The following CACNA2D1 variants were observed in gnomAD, a reference collection of about 807,000 sequenced individuals.
CACNA2D1 encodes calcium voltage-gated channel auxiliary subunit alpha2delta 1.
In CACNA2D1, 53 loss-of-function variants were observed where a neutral mutation model predicts 171.5. That is an observed-to-expected ratio of 0.31 (90% CI 0.25 to 0.39). The LOEUF (loss-of-function observed/expected upper bound fraction) is 0.39, where lower values mean the gene tolerates loss of function less well. Ranked by LOEUF, CACNA2D1 falls within the 10% of genes least tolerant of loss-of-function variation. The pLI is 1.00. For synonymous variants in CACNA2D1, 442 were observed against 443.1 expected (o/e 1.00, Z 0.03); for missense variants, 903 against 1,299.8 (o/e 0.69, Z 4.69).
At chr7:82,408,024 T>C (rs982330692) in intron 1 of CACNA2D1, among the ~76,000 whole-genome samples, 1 of 146,426 alleles carries the variant, frequency 6.8e-6, no homozygotes, top group East Asian at 2.0e-4. Flanking sequence ...TGTACTTTCT[T>C]TTTTTTTTTT....
chr7:82,034,633 G>C (rs948058321), intron 11 of CACNA2D1, among the ~76,000 whole-genome samples: 1 of 151,834 alleles, frequency 6.6e-6, no homozygotes, highest in East Asian at 1.9e-4. Context: ...ACTAAAATTA[G>C]TTTCTCTAGT....
chr7:82,169,902 T>C (rs896249677), intron 4 of CACNA2D1, among the ~76,000 whole-genome samples: 6 of 151,676 alleles, frequency 4.0e-5, no homozygotes, highest in Non-Finnish European at 7.4e-5. Flanking sequence ...AGATAAATGA[T>C]AGATATGCAG....
At chr7:82,293,728 T>G (rs1228174618) in intron 3 of CACNA2D1, among the ~76,000 whole-genome samples, 1 of 152,114 alleles carries the variant, frequency 6.6e-6, no homozygotes, top group Non-Finnish European at 1.5e-5. Context: ...CAGGGCTGAG[T>G]TCAGTATGGG....
At chr7:82,442,345 T>C (rs968960661) in intron 1 of CACNA2D1, among the ~76,000 whole-genome samples, 1 of 152,164 alleles carries the variant, frequency 6.6e-6, no homozygotes, top group African/African-American at 2.4e-5. Context: ...TTATGTAAAA[T>C]GCATTAAAGT....
intron 3 of CACNA2D1, among the ~76,000 whole-genome samples, chr7:82,225,926 T>A (rs1400871601): frequency 6.6e-6 from 1 of 152,174 alleles, no homozygotes; most frequent in Non-Finnish European, 1.5e-5. Context: ...GTAGAGAAAC[T>A]AAAAACTAAA....
chr7:82,215,606 A>G (rs1563211626), intron 3 of CACNA2D1, among the ~76,000 whole-genome samples: 1 of 152,138 alleles, frequency 6.6e-6, no homozygotes, highest in African/African-American at 2.4e-5. Context: ...GAGTTCTTTT[A>G]TAACTATTTT....
At chr7:81,986,533 G>T (rs967245390) in intron 21 of CACNA2D1, among the ~76,000 whole-genome samples, 1 of 122,512 alleles carries the variant, frequency 8.2e-6, no homozygotes, top group Non-Finnish European at 1.7e-5. Flanking sequence ...AATTTCATAT[G>T]ACTATAAATA....
chr7:81,982,590 A>T lies in CACNA2D1; in HGVS notation c.1932T>A (p.Ser644=). The change falls in exon 24 of 39, where the codon TCT becomes TCA. Residue 644 remains serine, a synonymous_variant. Transcript: ENST00000356860. The part of the protein sequence containing the change: ...ETLKPDNFEE[S]GYTFIAPRDY... ...ACCTTGGTGCTATGAATGTATAGCCAGATTCTTCAAAATTATCTGGCTTCA... is the reference window on the plus strand; with the variant it reads ...ACCTTGGTGCTATGAATGTATAGCCTGATTCTTCAAAATTATCTGGCTTCA... The T allele has an allele frequency of 1.2e-6, 2 of 1,607,748 alleles. No homozygotes were observed. The highest frequency in any genetic ancestry group is 1.7e-6 in the Non-Finnish European group (2 of 1,174,494).
chr7:82,282,556 C>T (rs903663970), intron 3 of CACNA2D1, among the ~76,000 whole-genome samples: 1 of 152,050 alleles, frequency 6.6e-6, no homozygotes, highest in African/African-American at 2.4e-5. Context: ...AGAAGGAGGG[C>T]GTGTCTGATT....
chr7:82,379,344 C>T (rs941279099), intron 1 of CACNA2D1, among the ~76,000 whole-genome samples: 3 of 152,106 alleles, frequency 2.0e-5, no homozygotes, highest in African/African-American at 7.2e-5. Context: ...AAGCCCTTCT[C>T]CCTAGAAAAA....
intron 3 of CACNA2D1, among the ~76,000 whole-genome samples, chr7:82,186,230 A>AGAAGGAAGGAAGAAAGGAAG (rs1797737707): frequency 1.8e-5 from 2 of 108,444 alleles, no homozygotes; most frequent in Admixed American, 1.0e-4. Context: ...AGAGAGAGAG[A>AGAAGGAAGGAAGAAAGGAAG]GAAGGAAGGA....
At chr7:82,319,342 A>C (rs1815524004) in intron 3 of CACNA2D1, among the ~76,000 whole-genome samples, 1 of 152,188 alleles carries the variant, frequency 6.6e-6, no homozygotes, top group Non-Finnish European at 1.5e-5. Flanking sequence ...TTGTTAACAA[A>C]GACATCAAAA....
At chr7:82,328,073 C>T (rs1286464242) in intron 3 of CACNA2D1, among the ~76,000 whole-genome samples, 3 of 152,086 alleles carry the variant, frequency 2.0e-5, no homozygotes, top group African/African-American at 4.8e-5. Flanking sequence ...GTCTCATTGC[C>T]CTGTCACTGG....
At chr7:82,378,010 T>G (rs1823217765) in intron 1 of CACNA2D1, among the ~76,000 whole-genome samples, 2 of 152,174 alleles carry the variant, frequency 1.3e-5, no homozygotes, top group Admixed American at 1.3e-4. Context: ...CTCCTTAAAT[T>G]TGTATTTTCT....
chr7:82,405,259 T>C (rs1826891891), intron 1 of CACNA2D1, among the ~76,000 whole-genome samples: 1 of 152,132 alleles, frequency 6.6e-6, no homozygotes, highest in Non-Finnish European at 1.5e-5. Flanking sequence ...AAAAAATAGA[T>C]GGTTAACACA....
intron 4 of CACNA2D1, among the ~76,000 whole-genome samples, chr7:82,168,304 C>T (rs1795675201): frequency 6.6e-6 from 1 of 151,982 alleles, no homozygotes; most frequent in Non-Finnish European, 1.5e-5. Context: ...CCACCACGCA[C>T]AGCTAATTTT....
At chr7:82,206,283 A>G (rs917407683) in intron 3 of CACNA2D1, among the ~76,000 whole-genome samples, 2 of 152,042 alleles carry the variant, frequency 1.3e-5, no homozygotes, top group African/African-American at 4.8e-5. Context: ...TTTAAAGGCT[A>G]TATTTTTGCA....
intron 6 of CACNA2D1, among the ~76,000 whole-genome samples, chr7:82,115,364 A>G (rs1788923541): frequency 6.6e-6 from 1 of 152,196 alleles, no homozygotes; most frequent in Non-Finnish European, 1.5e-5. Flanking sequence ...TACAAATATC[A>G]AAAGTAACTA....
intron 38 of CACNA2D1, among the ~76,000 whole-genome samples, chr7:81,951,967 G>GTGTTTTTTTTTTTTTTTTT (rs1554321607): frequency 0.013 from 363 of 27,298 alleles, 2 homozygotes; most frequent in African/African-American, 0.036. Flanking sequence ...AGTGTACAAA[G>GTGTTTTTTTTTTTTTTTTT]TGTTTTTTTT....
Sources: gnomAD v4.1 joint callset for allele counts (sites outside exome capture counted in the v4.1 genomes callset) on GRCh38, gnomAD v4.1.1 for gene constraint, MANE v1.5 for transcripts, NCBI Gene and HGNC (gene_info 2026-07-23, HGNC 2026-07-21) for gene names.